NINL: variants seen among roughly 807,000 people sequenced by gnomAD.
The protein encoded by NINL is ninein like.
In NINL, 153 loss-of-function variants were observed where a neutral mutation model predicts 160.3. That is an observed-to-expected ratio of 0.95 (90% CI 0.84 to 1.09). The LOEUF (loss-of-function observed/expected upper bound fraction) is 1.09. Ranked by LOEUF, NINL falls within the 50% of genes least tolerant of loss-of-function variation. The pLI is 0.00. For missense variants in NINL, 1,829 were observed against 1,764.0 expected (o/e 1.04, Z -0.66); for synonymous variants, 800 against 734.8 (o/e 1.09, Z -1.43).
intron 3 of NINL, among the ~76,000 whole-genome samples, chr20:25,514,387 CT>C (rs938421715): frequency 4.6e-5 from 7 of 152,230 alleles, no homozygotes; most frequent in Admixed American, 3.9e-4. Context: ...CTGGCTGCTT[CT>C]AACAGCATAA....
In NINL at chr20:25,496,654, A is replaced by G. The variant is rs759346901; in HGVS notation, c.1310+9T>C. 2 of 1,609,424 alleles carry G rather than the reference A, an allele frequency of 1.2e-6. No homozygotes were observed. The highest frequency in any genetic ancestry group is 2.8e-5 in the African/African-American group (2 of 71,236). On this transcript the variant is annotated intron_variant, in intron 10 of 23. Coordinates refer to ENST00000278886, the MANE Select transcript of NINL (RefSeq NM_025176.6). ...AGGTAAGAATCCACCACCTGGGCCC[A>G]GAACCCACTTGATTTTCTTCTCCGT...
At position 25,477,037 on chromosome 20, in the gene NINL, G is replaced by T; in HGVS notation, c.2254C>A (p.Pro752Thr). 6.3e-7 allele frequency: 1 copy of T among 1,599,194 alleles called. No individual in the cohort carries two copies. Residue 752 changes from proline (P) to threonine (T), a missense_variant, in exon 17 of 24, where the codon CCC becomes ACC. Transcript: ENST00000278886. The part of the protein sequence containing the change: ...SGELSGLGAL[P>T]ARRDLTLELE... ...TCCAAGGTCAGGTCTCTGCGAGCGG[G>T]CAGGGCTCCCAGCCCCGACAGCTCT...
intron 1 of NINL, among the ~76,000 whole-genome samples, chr20:25,566,390 C>A (rs2065000126): frequency 6.6e-6 from 1 of 151,366 alleles, no homozygotes; most frequent in Non-Finnish European, 1.5e-5. Context: ...CAGCTTTCAA[C>A]AAACGATTAT....
chr20:25,566,803 AAAC>A (rs141901438), intron 1 of NINL, among the ~76,000 whole-genome samples: 14,263 of 151,718 alleles, frequency 0.094, 1,108 homozygotes, highest in African/African-American at 0.21. Flanking sequence ...TAAAACAAAC[AAAC>A]AACAACAACA....
In NINL at chr20:25,453,260, G is replaced by C; in HGVS notation, c.*191C>G. ...ATAAAAACGCCGGCTTCTGCAACATGCATATTCCCCCAGCCCCCACCTCCA... is the reference window on the plus strand; with the variant it reads ...ATAAAAACGCCGGCTTCTGCAACATCCATATTCCCCCAGCCCCCACCTCCA... On this transcript the variant is annotated 3_prime_UTR_variant, in exon 24 of 24. Transcript: ENST00000278886. 2.1e-6 allele frequency: 1 copy of C among 478,188 alleles called. No individual in the cohort carries two copies. Among genetic ancestry groups the C allele is most frequent in the East Asian group, 3.4e-5 (1 of 29,424 alleles). The allele number at this position is 478,188 out of a possible 1,614,324, so 29.6% of individuals were successfully genotyped here. A position where few individuals can be genotyped will look rare whatever the true frequency, so the allele number is the denominator to read the frequency against.
At chr20:25,558,928 C>T (rs1046429113) in intron 1 of NINL, among the ~76,000 whole-genome samples, 6 of 152,226 alleles carry the variant, frequency 3.9e-5, no homozygotes, top group African/African-American at 1.2e-4. Flanking sequence ...GCCGCAGAAG[C>T]GAGACACACG....
intron 1 of NINL, among the ~76,000 whole-genome samples, chr20:25,527,525 T>C (rs746676877): frequency 3.3e-5 from 5 of 151,838 alleles, no homozygotes; most frequent in African/African-American, 4.8e-5. Context: ...TTTTTTCAAA[T>C]AATAGGTAGT....
intron 17 of NINL, among the ~76,000 whole-genome samples, chr20:25,472,384 G>C (rs1299770298): frequency 1.6e-4 from 19 of 115,228 alleles, no homozygotes; most frequent in African/African-American, 4.7e-4. Flanking sequence ...TTTTGTTTTT[G>C]AGACGGAGTT....
intron 8 of NINL, among the ~76,000 whole-genome samples, chr20:25,500,207 G>A (rs2063840730): frequency 6.6e-6 from 1 of 152,200 alleles, no homozygotes; most frequent in African/African-American, 2.4e-5. Context: ...TTGCCAAATT[G>A]TGCCCAGGGC....
intron 3 of NINL, 38 bp from the exon 4 acceptor site, chr20:25,513,044 T>G: frequency 6.3e-7 from 1 of 1,580,298 alleles, no homozygotes; most frequent in Non-Finnish European, 8.6e-7. Context: ...GGGTCCTTTA[T>G]AGCAGTTCTG....
intron 3 of NINL, among the ~76,000 whole-genome samples, chr20:25,514,164 C>T (rs1033679663): frequency 2.0e-5 from 3 of 152,132 alleles, no homozygotes; most frequent in Admixed American, 6.6e-5. Flanking sequence ...ACAATGAAGT[C>T]CAGACTGCAG....
intron 21 of NINL, 61 bp from the exon 22 acceptor site, chr20:25,458,590 C>G (rs767594172): frequency 6.9e-7 from 1 of 1,458,112 alleles, no homozygotes; most frequent in South Asian, 1.4e-5. Flanking sequence ...AGAGGAGCAC[C>G]CTCTCCATCC....
intron 1 of NINL, among the ~76,000 whole-genome samples, chr20:25,583,530 T>G (rs1388908300): frequency 6.6e-6 from 1 of 151,968 alleles, no homozygotes; most frequent in Non-Finnish European, 1.5e-5. Context: ...TTGGTGGGAG[T>G]GTAAATTAGT....
At chr20:25,482,349 T>C (rs2063408884) in intron 13 of NINL, among the ~76,000 whole-genome samples, 2 of 152,190 alleles carry the variant, frequency 1.3e-5, no homozygotes, top group African/African-American at 4.8e-5. Flanking sequence ...CTGTATTTTA[T>C]TTATTTAGAG....
chr20:25,493,152 G>A (rs774027425), intron 10 of NINL, among the ~76,000 whole-genome samples: 3 of 152,256 alleles, frequency 2.0e-5, no homozygotes, highest in Admixed American at 2.0e-4. Context: ...AGGTATACAC[G>A]TGTGGACAGA....
chr20:25,532,218 T>C (rs2064476983), intron 1 of NINL, among the ~76,000 whole-genome samples: 1 of 152,204 alleles, frequency 6.6e-6, no homozygotes, highest in Non-Finnish European at 1.5e-5. Flanking sequence ...GTCCCTTCCA[T>C]GCGTGGGGCT....
rs1402726379 is a variant in NINL at position 25,490,333 on chromosome 20, G to A, written c.1486-348C>T. ...CCCAGCACTTTGGGAGGCCGAGGCG[G>A]GCGGATCACAAGGTCAGGAGATCAA... On this transcript the variant is annotated intron_variant, in intron 11 of 23. Transcript: ENST00000278886. 2.6e-5 allele frequency among the ~76,000 whole-genome samples: 4 copies of A among 152,176 alleles called. No homozygotes were observed. In the East Asian group the frequency reaches 7.7e-4, roughly 29 times the overall value.
chr20:25,476,667 G>A lies in NINL; in HGVS notation c.2624C>T (p.Ala875Val). The change falls in exon 17 of 24, where the codon GCC becomes GTC. Residue 875 changes from alanine (A) to valine (V), a missense_variant. By Grantham distance (64) the Ala-to-Val change is moderately conservative (BLOSUM62 0). Coordinates refer to ENST00000278886, the MANE Select transcript of NINL (RefSeq NM_025176.6). Reference protein sequence around the residue: ...DGRESEEAAGAGPRRRQAQDT... With the variant: ...DGRESEEAAGVGPRRRQAQDT... ...CTGGGCTTGCCTGCGGCGAGGCCCG[G>A]CTCCTGCCGCCTCCTCAGACTCTCT... The A allele has an allele frequency of 6.3e-7, 1 of 1,587,916 alleles. No individual in the cohort carries two copies. Among genetic ancestry groups the A allele is most frequent in the Non-Finnish European group, 8.5e-7 (1 of 1,172,976 alleles).
At chr20:25,505,497 C>T (rs1283163722) in intron 5 of NINL, among the ~76,000 whole-genome samples, 2 of 152,184 alleles carry the variant, frequency 1.3e-5, no homozygotes, top group East Asian at 1.9e-4. Context: ...GTGAGATGGA[C>T]GTGTTAACTG....
Sources: allele counts gnomAD v4.1 joint callset (sites outside exome capture counted in the v4.1 genomes callset), GRCh38; gene constraint gnomAD v4.1.1; transcripts MANE v1.5; gene names NCBI Gene and HGNC (gene_info 2026-07-23, HGNC 2026-07-21).